Variants in SGSM3 observed in about 807,000 individuals in gnomAD.
SGSM3 encodes RUN and SH3 containing 3.
SGSM3 carries 96 observed loss-of-function variants against 100.5 expected under a neutral mutation model. That is an observed-to-expected ratio of 0.96 (90% CI 0.81 to 1.13). The LOEUF is 1.13. Ranked by LOEUF, SGSM3 falls within the 50% of genes most tolerant of loss-of-function variation. The pLI, the probability that SGSM3 is intolerant of heterozygous loss-of-function variation, is 0.00. For synonymous variants in SGSM3, 483 were observed against 422.8 expected, an observed-to-expected ratio of 1.14 and a Z score of -1.75; for missense variants, 1,001 against 1,015.8, an observed-to-expected ratio of 0.99 and a Z score of 0.20.
Position 40,405,798 on chromosome 22 carries a change from C to T in SGSM3, c.768C>T (p.Val256=). The T allele has an allele frequency of 6.2e-7, 1 of 1,613,454 alleles. No homozygotes were observed. Among genetic ancestry groups the T allele is most frequent in the Non-Finnish European group, 8.5e-7 (1 of 1,179,874 alleles). Residue 256 remains valine, a synonymous_variant, in exon 8 of 22, where the codon GTC becomes GTT. Transcript: ENST00000248929. ...TDQRVLRHLI[V]QYLPRLDKLL... Reference sequence around the variant, plus strand: ...AGCGGGTCCTGCGCCACCTCATTGTCCAGTACCTGCCTCGCCTGGACAAGC... The same window carrying T: ...AGCGGGTCCTGCGCCACCTCATTGTTCAGTACCTGCCTCGCCTGGACAAGC...
chr22:40,382,755 C>T (rs1047393169), intron 1 of SGSM3, among the ~76,000 whole-genome samples: 3 of 152,136 alleles, frequency 2.0e-5, no homozygotes, highest in Non-Finnish European at 4.4e-5. Flanking sequence ...ATTGTGTTAG[C>T]CCATTTTTGG....
chr22:40,395,975 T>A (rs2049994535), intron 1 of SGSM3, among the ~76,000 whole-genome samples: 1 of 152,156 alleles, frequency 6.6e-6, no homozygotes, highest in African/African-American at 2.4e-5. Flanking sequence ...CACGTACATT[T>A]TAGAGGTGTG....
At chr22:40,376,475 C>G (rs139510481) in intron 1 of SGSM3, 2 of 152,084 alleles carry the variant, frequency 1.3e-5, no homozygotes, top group East Asian at 3.9e-4. Context: ...TTGTAAACTT[C>G]GAGAACTTAC....
chr22:40,384,998 T>A (rs1199291894), intron 1 of SGSM3, among the ~76,000 whole-genome samples: 1 of 152,206 alleles, frequency 6.6e-6, no homozygotes, highest in African/African-American at 2.4e-5. Flanking sequence ...GTGGGGAATG[T>A]CTTTTTTGGG....
chr22:40,374,493 A>T (rs1187671779), intron 1 of SGSM3, among the ~76,000 whole-genome samples: 1 of 152,246 alleles, frequency 6.6e-6, no homozygotes, highest in African/African-American at 2.4e-5. Flanking sequence ...TCTTTGTAAT[A>T]CTTGCCTGCA....
At chr22:40,381,494 A>G (rs181638397) in intron 1 of SGSM3, among the ~76,000 whole-genome samples, 1 of 152,340 alleles carries the variant, frequency 6.6e-6, no homozygotes. Context: ...GGAACTGGAA[A>G]TACAAACTGA....
intron 1 of SGSM3, among the ~76,000 whole-genome samples, chr22:40,375,072 TAC>T (rs750315802): frequency 1.3e-5 from 2 of 152,354 alleles, no homozygotes; most frequent in Admixed American, 6.5e-5. Flanking sequence ...TGAGGAGAGA[TAC>T]ATTCACCTCT....
At chr22:40,401,238 C>T in intron 2 of SGSM3, among the ~76,000 whole-genome samples, 1 of 152,016 alleles carries the variant, frequency 6.6e-6, no homozygotes, top group Non-Finnish European at 1.5e-5. Flanking sequence ...TTGAATTTTG[C>T]CTCTGCATTT....
At position 40,407,425 on chromosome 22, in the gene SGSM3, G is replaced by T; in HGVS notation, c.1381G>T (p.Asp461Tyr). 1 of 1,612,642 alleles carries T rather than the reference G, an allele frequency of 6.2e-7. No homozygotes were observed. The highest frequency in any genetic ancestry group is 8.5e-7 in the Non-Finnish European group (1 of 1,179,606). The part of the protein sequence containing the change: ...PKNCSVELTP[D>Y]YSMESHQRDH... Reference sequence around the variant, plus strand: ...TTCACTGTGGCAGGAGCTGACTCCAGACTATAGCATGGAGAGCCACCAGCG... The same window carrying T: ...TTCACTGTGGCAGGAGCTGACTCCATACTATAGCATGGAGAGCCACCAGCG... The change falls in exon 13 of 22, where the codon GAC becomes TAC. Residue 461 changes from aspartate (D) to tyrosine (Y), a missense_variant. Coordinates refer to ENST00000248929, the MANE Select transcript of SGSM3 (RefSeq NM_015705.6). This position sits in a 1 kb window ranked among gnomAD's most constrained non-coding sequence, Gnocchi z 4.7.
At chr22:40,382,870 TA>T (rs2047796578) in intron 1 of SGSM3, among the ~76,000 whole-genome samples, 1 of 152,204 alleles carries the variant, frequency 6.6e-6, no homozygotes, top group African/African-American at 2.4e-5. Flanking sequence ...AAGCTGAGGT[TA>T]GGGAAGATGA....
Position 40,409,866 on chromosome 22 carries a change from G to A in SGSM3, c.*107G>A. 1 of 1,471,474 alleles carries A rather than the reference G, an allele frequency of 6.8e-7. No individual in the cohort carries two copies. The allele number at this position is 1,471,474 out of a possible 1,614,324, so 91.2% of individuals were successfully genotyped here. A position where few individuals can be genotyped will look rare whatever the true frequency, so the allele number is the denominator to read the frequency against. ...TCCAGAGCCCTGGCCGGGGCCGCGG[G>A]ATATCAATATCAGGCTGCCCCACTC... On this transcript the variant is annotated 3_prime_UTR_variant, in exon 22 of 22. Coordinates refer to ENST00000248929, the MANE Select transcript of SGSM3 (RefSeq NM_015705.6).
chr22:40,399,454 C>T (rs1333285393), intron 1 of SGSM3, among the ~76,000 whole-genome samples: 1 of 152,182 alleles, frequency 6.6e-6, no homozygotes, highest in Non-Finnish European at 1.5e-5. Context: ...TAGCTGGTGG[C>T]CATGTGTCCG....
rs554601989 is a variant in SGSM3, at chr22:40,401,636, G to A, written c.51G>A (p.Pro17=). The change falls in exon 3 of 22, where the codon CCG becomes CCA. Residue 17 remains proline (P), a synonymous_variant. Coordinates refer to ENST00000248929, the MANE Select transcript of SGSM3 (RefSeq NM_015705.6). The part of the protein sequence containing the change: ...PACGPFSALT[P]SIWPQEILAK... ...GTGGCCCTTTCTCAGCCCTGACTCC[G>A]AGCATATGGCCCCAGGAGATCTTGG... is the stretch of plus-strand genomic sequence containing the variant. 1.6e-5 allele frequency: 26 copies of A among 1,613,440 alleles called. No individual in the cohort carries two copies. Among genetic ancestry groups the A allele is most frequent in the South Asian group, 8.8e-5 (8 of 91,056 alleles).
intron 6 of SGSM3, 39 bp from the exon 7 acceptor site, chr22:40,405,101 CA>C (rs2051285909): frequency 6.8e-7 from 1 of 1,469,926 alleles, no homozygotes; most frequent in South Asian, 1.5e-5. Context: ...CAGGGTGTCA[CA>C]AGGTCTTGTT....
At chr22:40,404,195 G>C in intron 4 of SGSM3, 52 bp from the exon 5 acceptor site, 2 of 1,437,720 alleles carry the variant, frequency 1.4e-6, no homozygotes, top group Non-Finnish European at 1.9e-6. Flanking sequence ...GCTGCTTGGA[G>C]AACACGTAGT....
chr22:40,405,323 AC>A (rs760918209), intron 7 of SGSM3, 39 bp downstream of exon 7: 1 of 1,437,144 alleles, frequency 7.0e-7, no homozygotes. Flanking sequence ...CAGCCCCAGG[AC>A]CCCCTCCAGG....
At chr22:40,377,106 A>G (rs2046755244) in intron 1 of SGSM3, among the ~76,000 whole-genome samples, 1 of 152,196 alleles carries the variant, frequency 6.6e-6, no homozygotes, top group Non-Finnish European at 1.5e-5. Context: ...AATTTAGTAG[A>G]CATAAGTTGT....
chr22:40,407,219 C>T lies in SGSM3; in HGVS notation c.1259C>T (p.Ala420Val), dbSNP rs1335522027. 6.2e-7 allele frequency: 1 copy of T among 1,613,652 alleles called. No individual in the cohort carries two copies. The highest frequency in any genetic ancestry group is 1.1e-5 in the South Asian group (1 of 91,074). The change falls in exon 12 of 22, where the codon GCA (alanine) becomes GTA (valine). Residue 420 changes from alanine (A) to valine (V), a missense_variant. Coordinates refer to ENST00000248929, the MANE Select transcript of SGSM3 (RefSeq NM_015705.6). This position sits in a 1 kb window ranked among gnomAD's most constrained non-coding sequence, Gnocchi z 4.7. ...ALLFGEDDLE[A>V]LKAKNIKQTE... ...CTCCTAGGGGAGGATGACCTGGAGG[C>T]ACTCAAGGCCAAGAACATCAAGCAG... is the stretch of plus-strand genomic sequence containing the variant.
In SGSM3 at chr22:40,407,981, G is replaced by A. The variant is rs1457356661; in HGVS notation, c.1580-90G>A. On this transcript the variant is annotated intron_variant, in intron 14 of 21. Transcript: ENST00000248929. The surrounding 1 kb of genome is among the most constrained non-coding windows in gnomAD (Gnocchi z 4.7). ...TGAGGTCCCTGAAGCAGCTGAGCCGGCTTCCCACTGCCTCAGCCTGCCTGC... is the reference window on the plus strand; with the variant it reads ...TGAGGTCCCTGAAGCAGCTGAGCCGACTTCCCACTGCCTCAGCCTGCCTGC... 6 of 1,492,208 alleles carry A rather than the reference G, an allele frequency of 4.0e-6. No individual in the cohort carries two copies. The highest frequency in any genetic ancestry group is 5.5e-6 in the Non-Finnish European group (6 of 1,087,788). 92.4% of individuals were successfully genotyped at this position (1,492,208 alleles called of 1,614,324 possible).
Sources: gnomAD v4.1 joint callset for allele counts (sites outside exome capture counted in the v4.1 genomes callset) on GRCh38, gnomAD v4.1.1 for gene constraint, Gnocchi (gnomAD v3.1) non-coding constraint, MANE v1.5 for transcripts, NCBI Gene and HGNC (gene_info 2026-07-23, HGNC 2026-07-21) for gene names.